Variants in NUDT5 observed in about 807,000 individuals in gnomAD.
NUDT5 encodes the protein ADP-sugar pyrophosphatase.
In NUDT5, 21 loss-of-function variants were observed where a neutral mutation model predicts 34.1. The ratio of observed to expected loss-of-function variants is 0.62; its 90% CI spans 0.44 to 0.89. The LOEUF (loss-of-function observed/expected upper bound fraction) is 0.89. Among genes scored for constraint, NUDT5 ranks in the 40% least tolerant of loss-of-function variants. The probability of loss-of-function intolerance (pLI) is 0.00; values close to 1 mark genes in which losing one functional copy is unlikely to be tolerated. For synonymous variants in NUDT5, 85 were observed against 97.6 expected, an observed-to-expected ratio of 0.87 and a Z score of 0.76; for missense variants, 249 against 274.8, an observed-to-expected ratio of 0.91 and a Z score of 0.66.
At chr10:12,177,760 C>A in intron 5 of NUDT5, 33 bp downstream of exon 5, 1 of 1,483,578 alleles carries the variant, frequency 6.7e-7, no homozygotes, top group Non-Finnish European at 9.4e-7. Context: ...AGGCCAACAT[C>A]CCTAAGAAGC....
intron 1 of NUDT5, among the ~76,000 whole-genome samples, chr10:12,194,999 C>G (rs563907529): frequency 1.3e-5 from 2 of 152,258 alleles, no homozygotes; most frequent in East Asian, 3.9e-4. Flanking sequence ...GCCGTCTCTA[C>G]TAAAAACACA....
At chr10:12,186,474 C>T (rs1228056728) in intron 1 of NUDT5, 142 bp from the exon 2 acceptor site, 4 of 598,050 alleles carry the variant, frequency 6.7e-6, no homozygotes, top group African/African-American at 1.9e-5. Flanking sequence ...AGGGAACTGC[C>T]GCAGGTGGAA....
In NUDT5 at chr10:12,168,528, G is replaced by T. The variant is rs1361889819; in HGVS notation, c.551-717C>A. 6.6e-6 allele frequency among the ~76,000 whole-genome samples: 1 copy of T among 151,962 alleles called. No individual in the cohort carries two copies. The highest frequency in any genetic ancestry group is 1.9e-4 in the East Asian group (1 of 5,176). On this transcript the variant is annotated intron_variant, in intron 9 of 9. Coordinates refer to ENST00000491614, the MANE Select transcript of NUDT5 (RefSeq NM_014142.4). This position sits in a 1 kb window ranked among gnomAD's most constrained non-coding sequence, Gnocchi z 4.8. ...AAACTGTGTGCATGTTAGGACTGGA[G>T]ATCTACTACCAAGAATGCGGTCTCA... is the stretch of plus-strand genomic sequence containing the variant.
intron 1 of NUDT5, among the ~76,000 whole-genome samples, 193 bp downstream of exon 1, chr10:12,195,577 C>G (rs1429417911): frequency 6.6e-6 from 1 of 152,214 alleles, no homozygotes; most frequent in East Asian, 1.9e-4. Flanking sequence ...CGGAGTAGCC[C>G]AGGCTCTTCC....
chr10:12,183,877 T>C (rs1185894103), intron 3 of NUDT5, among the ~76,000 whole-genome samples: 1 of 152,220 alleles, frequency 6.6e-6, no homozygotes, highest in Non-Finnish European at 1.5e-5. Flanking sequence ...GTCTTCAGAA[T>C]CTGCTTTTTA....
intron 3 of NUDT5, among the ~76,000 whole-genome samples, chr10:12,183,553 C>T (rs9651528): frequency 0.99 from 150,383 of 152,338 alleles, 74,263 homozygotes; most frequent in East Asian, 1. Context: ...AAATGGAGTT[C>T]TCATACTGAT....
At chr10:12,184,095 A>T (rs556276520) in intron 3 of NUDT5, among the ~76,000 whole-genome samples, 1 of 152,310 alleles carries the variant, frequency 6.6e-6, no homozygotes, top group Non-Finnish European at 1.5e-5. Context: ...TCTGTCACCC[A>T]GGCTGGAGTG....
chr10:12,177,379 C>G lies in NUDT5; in HGVS notation c.289+414G>C, dbSNP rs187550128. On this transcript the variant is annotated intron_variant, in intron 5 of 9. Coordinates refer to ENST00000491614, the MANE Select transcript of NUDT5 (RefSeq NM_014142.4). ...CTAAAAATACAAAAAATTAGCCGGG[C>G]GTGGTGGCGGGCGCCTGTAGTCCCA... is the stretch of plus-strand genomic sequence containing the variant. 5.3e-3 allele frequency among the ~76,000 whole-genome samples: 796 copies of G among 150,320 alleles called. 10 individuals are homozygous for G. Among genetic ancestry groups the G allele is most frequent in the African/African-American group, 0.018 (747 of 40,956 alleles).
chr10:12,184,868 T>C, intron 3 of NUDT5, 21 bp downstream of exon 3: 1 of 1,442,866 alleles, frequency 6.9e-7, no homozygotes. Flanking sequence ...GAACATTTTG[T>C]AAGAAAAAAA....
chr10:12,174,265 CTTTTTTTT>C (rs199714426), intron 5 of NUDT5, among the ~76,000 whole-genome samples: 2 of 135,710 alleles, frequency 1.5e-5, no homozygotes, highest in African/African-American at 5.5e-5. Context: ...GATTGGAACT[CTTTTTTTT>C]TTTTTTTTTG....
At position 12,187,916 on chromosome 10, in the gene NUDT5, G is replaced by A. The variant is rs540598741; in HGVS notation, c.-41-1584C>T. Reference sequence around the variant, plus strand: ...TCACACCTGGAATCCTAGCCCTTTGGGGGACCAAGAGTCTGAGACCAGCCT... The same window carrying A: ...TCACACCTGGAATCCTAGCCCTTTGAGGGACCAAGAGTCTGAGACCAGCCT... On this transcript the variant is annotated intron_variant, in intron 1 of 9. Transcript: ENST00000491614. The surrounding 1 kb of genome is among the most constrained non-coding windows in gnomAD (Gnocchi z 5.4). 2.6e-4 allele frequency among the ~76,000 whole-genome samples: 39 copies of A among 152,028 alleles called. 1 individual carries two copies. The South Asian group carries it at 7.9e-3, about 31-fold the overall frequency.
chr10:12,190,467 T>C (rs1479466935), intron 1 of NUDT5, among the ~76,000 whole-genome samples: 1 of 152,132 alleles, frequency 6.6e-6, no homozygotes, highest in African/African-American at 2.4e-5. Context: ...CACTGACCAC[T>C]ATGCTTGCCC....
At chr10:12,177,923 A>C (rs1834981775) in intron 4 of NUDT5, 23 bp from the exon 5 acceptor site, 1 of 1,581,590 alleles carries the variant, frequency 6.3e-7, no homozygotes, top group African/African-American at 1.3e-5. Flanking sequence ...AATGGAACCA[A>C]GGAAATCCCT....
intron 1 of NUDT5, among the ~76,000 whole-genome samples, chr10:12,190,845 G>A (rs1835212507): frequency 6.6e-6 from 1 of 151,780 alleles, no homozygotes; most frequent in African/African-American, 2.4e-5. Flanking sequence ...CTGACCTCAA[G>A]TGATCCACCC....
At position 12,175,793 on chromosome 10, in the gene NUDT5, G is replaced by C. The variant is rs1162319218; in HGVS notation, c.290-1980C>G. ...ACAAAAAAATACAAAAAATGAGGTG[G>C]GAGGATCACCTCAGCCTGGGGAGGT... On this transcript the variant is annotated intron_variant, in intron 5 of 9. Transcript: ENST00000491614. This position sits in a 1 kb window ranked among gnomAD's most constrained non-coding sequence, Gnocchi z 4.8. 6.6e-6 allele frequency among the ~76,000 whole-genome samples: 1 copy of C among 152,032 alleles called. No homozygotes were observed.
rs960163927 is a variant in NUDT5, at chr10:12,184,568, G to A, written c.131+321C>T. 19 of 1,492,262 alleles carry A rather than the reference G, an allele frequency of 1.3e-5. No individual in the cohort carries two copies. In the African/African-American group the frequency reaches 2.2e-4, roughly 18 times the overall value. The allele number at this position is 1,492,262 out of a possible 1,614,324, so 92.4% of individuals were successfully genotyped here. On this transcript the variant is annotated intron_variant, in intron 3 of 9. Transcript: ENST00000491614. The stretch of plus-strand genomic sequence containing the variant: ...AATTAAAAACAGATTTTACTAGAAG[G>A]AAGCAACATGTACTGTTAATTATTC...
chr10:12,177,896 G>A lies in NUDT5; in HGVS notation c.186C>T (p.Val62=), dbSNP rs1834981532. Residue 62 remains valine (V), a synonymous_variant, in exon 5 of 10, where the codon GTC becomes GTT. Coordinates refer to ENST00000491614, the MANE Select transcript of NUDT5 (RefSeq NM_014142.4). ...TTCTCTGCAGCACGGGGATGACCGC[G>A]ACACCTGTCACCAGGAAATGGAACC... The part of the protein sequence containing the change: ...TTRKEQTADG[V]AVIPVLQRTL... The A allele has an allele frequency of 3.1e-6, 5 of 1,613,252 alleles. No homozygotes were observed. The highest frequency in any genetic ancestry group is 2.2e-5 in the East Asian group (1 of 44,876).
intron 3 of NUDT5, among the ~76,000 whole-genome samples, chr10:12,180,680 GCTCTTC>G (rs1445630781): frequency 1.3e-5 from 2 of 152,238 alleles, no homozygotes; most frequent in Non-Finnish European, 2.9e-5. Flanking sequence ...CTGGAAGTCA[GCTCTTC>G]GTCTCTACTT....
rs1564420836 is a variant in NUDT5, at chr10:12,168,812, C to T, written c.551-1001G>A. 6.6e-6 allele frequency among the ~76,000 whole-genome samples: 1 copy of T among 151,904 alleles called. No homozygotes were observed. Reference sequence around the variant, plus strand: ...GGAGTCTCACTTTGTCGCCAGGCTGCAGTGCAGTGCCACGATCTTGGCTCA... The same window carrying T: ...GGAGTCTCACTTTGTCGCCAGGCTGTAGTGCAGTGCCACGATCTTGGCTCA... On this transcript the variant is annotated intron_variant, in intron 9 of 9. Transcript: ENST00000491614. The surrounding 1 kb of genome is among the most constrained non-coding windows in gnomAD (Gnocchi z 4.8).
Sources: gnomAD v4.1 joint callset for allele counts (sites outside exome capture counted in the v4.1 genomes callset) on GRCh38, gnomAD v4.1.1 for gene constraint, Gnocchi (gnomAD v3.1) non-coding constraint, MANE v1.5 for transcripts, NCBI Gene and HGNC (gene_info 2026-07-23, HGNC 2026-07-21) for gene names.